ZFYVE9: variants seen among roughly 807,000 people sequenced by gnomAD.
ZFYVE9 encodes zinc finger FYVE domain-containing protein 9.
A neutral mutation model predicts 126.7 loss-of-function variants in ZFYVE9; 43 were observed. The ratio of observed to expected loss-of-function variants is 0.34; its 90% CI spans 0.27 to 0.44. The LOEUF is 0.44. Ranked by LOEUF, ZFYVE9 falls within the 20% of genes least tolerant of loss-of-function variation. The probability of loss-of-function intolerance (pLI) is 1.00; values close to 1 mark genes in which losing one functional copy is unlikely to be tolerated. For missense variants in ZFYVE9, 1,476 were observed against 1,697.0 expected (o/e 0.87, Z 2.29); for synonymous variants, 521 against 597.4 (o/e 0.87, Z 1.87).
chr1:52,281,380 G>A (rs548996160), intron 9 of ZFYVE9, among the ~76,000 whole-genome samples: 3 of 152,090 alleles, frequency 2.0e-5, no homozygotes, highest in East Asian at 1.9e-4. Flanking sequence ...TGATCCACCC[G>A]CCTCGGCCTC....
intron 10 of ZFYVE9, among the ~76,000 whole-genome samples, chr1:52,286,843 C>G (rs1355371255): frequency 2.0e-5 from 3 of 152,146 alleles, no homozygotes; most frequent in Admixed American, 1.3e-4. Flanking sequence ...CTAGTCATCT[C>G]TCCATACTTC....
At chr1:52,341,746 A>G (rs1268063313) in intron 17 of ZFYVE9, among the ~76,000 whole-genome samples, 1 of 152,196 alleles carries the variant, frequency 6.6e-6, no homozygotes, top group Non-Finnish European at 1.5e-5. Context: ...TCCTGATAGC[A>G]GAGATGAGAC....
chr1:52,174,424 C>G (rs1644604091), intron 1 of ZFYVE9, among the ~76,000 whole-genome samples: 1 of 151,978 alleles, frequency 6.6e-6, no homozygotes, highest in Non-Finnish European at 1.5e-5. Context: ...TTACTTCCAA[C>G]TATGTGGTCA....
intron 1 of ZFYVE9, among the ~76,000 whole-genome samples, chr1:52,210,699 G>C (rs1373776608): frequency 6.6e-6 from 1 of 152,124 alleles, no homozygotes; most frequent in African/African-American, 2.4e-5. Context: ...GTGTTGCCCA[G>C]GCTGGAGTGC....
At chr1:52,179,664 A>G (rs947080787) in intron 1 of ZFYVE9, among the ~76,000 whole-genome samples, 1 of 151,968 alleles carries the variant, frequency 6.6e-6, no homozygotes, top group African/African-American at 2.4e-5. Flanking sequence ...TAAGTGACAC[A>G]GTGGAATAAA....
chr1:52,313,822 C>T (rs370783358), intron 13 of ZFYVE9, among the ~76,000 whole-genome samples: 60 of 152,122 alleles, frequency 3.9e-4, no homozygotes, highest in East Asian at 2.7e-3. Flanking sequence ...TAGGTGGCAA[C>T]GGGATGAAAA....
rs115880957 is a variant in ZFYVE9, at chr1:52,237,362, C to T, written c.71-126C>T. 1,155 of 884,872 alleles carry T rather than the reference C, an allele frequency of 1.3e-3. 13 individuals are homozygous for T. The African/African-American group carries it at 0.017, about 13-fold the overall frequency. 54.8% of individuals were successfully genotyped at this position (884,872 alleles called of 1,614,324 possible). A position where few individuals can be genotyped will look rare whatever the true frequency, so the allele number is the denominator to read the frequency against. On this transcript the variant is annotated intron_variant, in intron 3 of 18. Coordinates refer to ENST00000287727, the MANE Select transcript of ZFYVE9 (RefSeq NM_004799.4). Reference sequence around the variant, plus strand: ...AATATATTTTCTTATTTTTTAGCCCCGAATTAGAAATCTAATATCCTTGGA... The same window carrying T: ...AATATATTTTCTTATTTTTTAGCCCTGAATTAGAAATCTAATATCCTTGGA...
intron 12 of ZFYVE9, among the ~76,000 whole-genome samples, chr1:52,299,420 G>A (rs1013635816): frequency 6.6e-6 from 1 of 152,168 alleles, no homozygotes; most frequent in Non-Finnish European, 1.5e-5. Context: ...TTGCCTAAGT[G>A]CTCTGGCTAG....
chr1:52,151,842 C>T (rs1237106883), intron 1 of ZFYVE9, among the ~76,000 whole-genome samples: 2 of 152,060 alleles, frequency 1.3e-5, no homozygotes, highest in African/African-American at 4.8e-5. Context: ...AAGTATGTTC[C>T]CTAGGAGCAA....
intron 13 of ZFYVE9, among the ~76,000 whole-genome samples, chr1:52,313,913 A>G (rs1646159709): frequency 6.6e-6 from 1 of 152,244 alleles, no homozygotes; most frequent in African/African-American, 2.4e-5. Context: ...AACAGAAATG[A>G]TCCAAAATGA....
At chr1:52,160,581 T>C (rs1462270624) in intron 1 of ZFYVE9, 3 of 736,070 alleles carry the variant, frequency 4.1e-6, no homozygotes, top group Middle Eastern at 2.4e-4. Flanking sequence ...ACATTACCAA[T>C]ACATTCAAAG....
At chr1:52,277,099 C>T (rs544245617) in intron 8 of ZFYVE9, among the ~76,000 whole-genome samples, 1 of 152,258 alleles carries the variant, frequency 6.6e-6, no homozygotes, top group East Asian at 1.9e-4. Flanking sequence ...AAAATTGCTG[C>T]TTAGGGTTCA....
At chr1:52,216,497 C>G in intron 2 of ZFYVE9, 23 bp downstream of exon 2, 1 of 398,252 alleles carries the variant, frequency 2.5e-6, no homozygotes, top group East Asian at 3.6e-5. Flanking sequence ...TTTTATTTCT[C>G]TTAGAGATTG....
At chr1:52,160,397 T>G in intron 1 of ZFYVE9, 1 of 1,101,868 alleles carries the variant, frequency 9.1e-7, no homozygotes, top group Non-Finnish European at 1.4e-6. Context: ...AGACACCAAC[T>G]TTGGGACACT....
intron 7 of ZFYVE9, among the ~76,000 whole-genome samples, chr1:52,273,688 C>T (rs1357684738): frequency 4.0e-5 from 6 of 151,808 alleles, no homozygotes; most frequent in Non-Finnish European, 7.4e-5. Context: ...ATTAGCCAGG[C>T]GTGGTGGCAC....
Position 52,173,510 on chromosome 1 carries a change from G to A in ZFYVE9, c.-143+31107G>A, listed in dbSNP as rs1252661834. Among the ~76,000 whole-genome samples, 4 of 152,170 alleles carry A rather than the reference G, an allele frequency of 2.6e-5. No homozygotes were observed. In the East Asian group the frequency reaches 7.7e-4, roughly 29 times the overall value. On this transcript the variant is annotated intron_variant, in intron 1 of 18. Coordinates refer to ENST00000287727, the MANE Select transcript of ZFYVE9 (RefSeq NM_004799.4). Reference sequence around the variant, plus strand: ...CGGCTTTGGTATCAGGATGATGCTGGCCTCATAAAATGAGTTAGGGAGGGT... The same window carrying A: ...CGGCTTTGGTATCAGGATGATGCTGACCTCATAAAATGAGTTAGGGAGGGT...
At chr1:52,181,653 G>A (rs1163943160) in intron 1 of ZFYVE9, among the ~76,000 whole-genome samples, 1 of 151,740 alleles carries the variant, frequency 6.6e-6, no homozygotes, top group Non-Finnish European at 1.5e-5. Context: ...CCTCTTCCCG[G>A]CCGCCATCCC....
intron 7 of ZFYVE9, among the ~76,000 whole-genome samples, chr1:52,269,632 T>C (rs1645669249): frequency 6.6e-6 from 1 of 152,238 alleles, no homozygotes; most frequent in Non-Finnish European, 1.5e-5. Context: ...TATTGAACCA[T>C]GTAATATCTG....
intron 1 of ZFYVE9, among the ~76,000 whole-genome samples, chr1:52,173,967 T>A (rs1320091169): frequency 1.1e-5 from 1 of 87,698 alleles, no homozygotes; most frequent in East Asian, 4.0e-4. Flanking sequence ...CTGGATTCAT[T>A]AATTTTTTGA....
Sources: gnomAD v4.1 joint callset for allele counts (sites outside exome capture counted in the v4.1 genomes callset) on GRCh38, gnomAD v4.1.1 for gene constraint, MANE v1.5 for transcripts, NCBI Gene and HGNC (gene_info 2026-07-23, HGNC 2026-07-21) for gene names.